Variants in SHROOM3 observed in about 807,000 individuals in gnomAD.
The protein encoded by SHROOM3 is shroom family member 3.
Under a neutral mutation model 138.6 loss-of-function variants are expected in SHROOM3, and 47 were observed. That is an observed-to-expected ratio of 0.34 (90% CI 0.27 to 0.43). The LOEUF (loss-of-function observed/expected upper bound fraction) is 0.43. Among genes scored for constraint, SHROOM3 ranks in the 20% least tolerant of loss-of-function variants. The pLI is 1.00. For synonymous variants in SHROOM3, 1,062 were observed against 1,063.3 expected, an observed-to-expected ratio of 1.00 and a Z score of 0.02; for missense variants, 2,491 against 2,596.5, an observed-to-expected ratio of 0.96 and a Z score of 0.88.
intron 1 of SHROOM3, among the ~76,000 whole-genome samples, chr4:76,554,998 A>G (rs959124441): frequency 6.6e-6 from 1 of 151,372 alleles, no homozygotes; most frequent in Admixed American, 6.6e-5. Flanking sequence ...ATGCCTGAAG[A>G]TCTGTCACTA....
chr4:76,673,987 C>T (rs1718956297), intron 2 of SHROOM3, among the ~76,000 whole-genome samples: 1 of 152,136 alleles, frequency 6.6e-6, no homozygotes, highest in African/African-American at 2.4e-5. Flanking sequence ...ATCCTCCTGC[C>T]TCAGACTCCC....
chr4:76,734,655 C>T (rs1465006634), intron 4 of SHROOM3, among the ~76,000 whole-genome samples: 7 of 151,802 alleles, frequency 4.6e-5, no homozygotes, highest in Admixed American at 1.3e-4. Flanking sequence ...GGATTACAGG[C>T]GTGAGCCACC....
intron 2 of SHROOM3, among the ~76,000 whole-genome samples, 177 bp downstream of exon 2, chr4:76,555,940 G>C (rs1193919816): frequency 6.6e-6 from 1 of 152,096 alleles, no homozygotes; most frequent in Non-Finnish European, 1.5e-5. Flanking sequence ...GGAGGAAGTG[G>C]GGTGAAGACA....
chr4:76,496,853 A>T (rs1560524578), intron 1 of SHROOM3, among the ~76,000 whole-genome samples: 1 of 152,154 alleles, frequency 6.6e-6, no homozygotes, highest in Non-Finnish European at 1.5e-5. Flanking sequence ...TCTGTATTAT[A>T]TACTCTCAAA....
chr4:76,506,205 G>A (rs1732208268), intron 1 of SHROOM3, among the ~76,000 whole-genome samples: 1 of 151,310 alleles, frequency 6.6e-6, no homozygotes, highest in Non-Finnish European at 1.5e-5. Context: ...TGGGGGGAGG[G>A]CATCACACAC....
At chr4:76,546,738 T>G (rs1258909334) in intron 1 of SHROOM3, among the ~76,000 whole-genome samples, 3 of 152,226 alleles carry the variant, frequency 2.0e-5, no homozygotes, top group Non-Finnish European at 4.4e-5. Context: ...ATATTTTTCC[T>G]CAAACCGCCA....
chr4:76,487,890 C>T (rs542868711), intron 1 of SHROOM3, among the ~76,000 whole-genome samples: 190 of 152,228 alleles, frequency 1.2e-3, no homozygotes, highest in African/African-American at 4.4e-3. Flanking sequence ...TTTCTTTTGG[C>T]CTTTTTGCAT....
intron 3 of SHROOM3, among the ~76,000 whole-genome samples, chr4:76,721,418 A>G (rs1221399018): frequency 6.6e-6 from 1 of 152,264 alleles, no homozygotes; most frequent in Non-Finnish European, 1.5e-5. Flanking sequence ...ACTAGACATG[A>G]AAAAGTGTCT....
chr4:76,684,473 T>C (rs1719281050), intron 2 of SHROOM3, among the ~76,000 whole-genome samples: 1 of 152,358 alleles, frequency 6.6e-6, no homozygotes, highest in South Asian at 2.1e-4. Flanking sequence ...TCCATGCGCA[T>C]TGTAGTTGAC....
At chr4:76,455,758 A>G (rs1731014700) in intron 1 of SHROOM3, among the ~76,000 whole-genome samples, 2 of 152,186 alleles carry the variant, frequency 1.3e-5, no homozygotes, top group Non-Finnish European at 1.5e-5. Context: ...GATAATATTC[A>G]CTCAATGTAG....
intron 2 of SHROOM3, among the ~76,000 whole-genome samples, chr4:76,682,549 T>C (rs953529752): frequency 2.0e-5 from 3 of 151,944 alleles, no homozygotes; most frequent in Non-Finnish European, 4.4e-5. Flanking sequence ...ACCTCATCCA[T>C]CTTGATATCC....
intron 2 of SHROOM3, among the ~76,000 whole-genome samples, chr4:76,697,087 A>ATT (rs1163545473): frequency 1.0e-4 from 14 of 135,786 alleles, no homozygotes; most frequent in East Asian, 2.1e-4. Context: ...CAGCTAATTA[A>ATT]TTTTTTTTTT....
At chr4:76,509,537 A>C (rs1732288221) in intron 1 of SHROOM3, 1 of 152,308 alleles carries the variant, frequency 6.6e-6, no homozygotes, top group Admixed American at 6.5e-5. Context: ...TTTCTTGATC[A>C]TCTGGCCTGT....
At chr4:76,629,196 C>T (rs1735238969) in intron 2 of SHROOM3, among the ~76,000 whole-genome samples, 1 of 152,128 alleles carries the variant, frequency 6.6e-6, no homozygotes, top group South Asian at 2.1e-4. Context: ...GCCAAAGCAA[C>T]ATTTGAAGGA....
chr4:76,586,187 G>A, intron 2 of SHROOM3: 1 of 936,596 alleles, frequency 1.1e-6, no homozygotes, highest in Non-Finnish European at 1.3e-6. Context: ...CGATTGGCCG[G>A]GAGGAGGCAG....
chr4:76,484,003 G>C (rs1731675048), intron 1 of SHROOM3, among the ~76,000 whole-genome samples: 1 of 150,014 alleles, frequency 6.7e-6, no homozygotes, highest in African/African-American at 2.5e-5. Flanking sequence ...GGGGTGGGGG[G>C]CTAGGGGAGG....
chr4:76,597,847 C>T (rs747346604), intron 2 of SHROOM3, among the ~76,000 whole-genome samples: 13 of 152,124 alleles, frequency 8.5e-5, no homozygotes, highest in African/African-American at 2.9e-4. Flanking sequence ...CCATCTAACA[C>T]GGTGACAAGG....
intron 1 of SHROOM3, among the ~76,000 whole-genome samples, chr4:76,552,078 G>A (rs563010022): frequency 1.5e-4 from 23 of 149,030 alleles, no homozygotes; most frequent in East Asian, 8.2e-4. Flanking sequence ...AGCCAGGATG[G>A]ACTCGATCTC....
At chr4:76,531,576 T>C (rs567730212) in intron 1 of SHROOM3, among the ~76,000 whole-genome samples, 1 of 152,302 alleles carries the variant, frequency 6.6e-6, no homozygotes, top group East Asian at 1.9e-4. Flanking sequence ...TCTCAGTTTC[T>C]TCATCTGTCA....
Sources: gnomAD v4.1 joint callset for allele counts (sites outside exome capture counted in the v4.1 genomes callset) on GRCh38, gnomAD v4.1.1 for gene constraint, MANE v1.5 for transcripts, NCBI Gene and HGNC (gene_info 2026-07-23, HGNC 2026-07-21) for gene names.